The following SGK3 variants were observed in gnomAD, a reference collection of about 807,000 sequenced individuals.
SGK3 encodes serine/threonine-protein kinase Sgk3.
In SGK3, 47 loss-of-function variants were observed where a neutral mutation model predicts 68.5. That is an observed-to-expected ratio of 0.69 (90% CI 0.54 to 0.87). The LOEUF is 0.87. Ranked by LOEUF, SGK3 falls within the 40% of genes least tolerant of loss-of-function variation. The probability of loss-of-function intolerance (pLI) is 0.00; values close to 1 mark genes in which losing one functional copy is unlikely to be tolerated. For synonymous variants in SGK3, 181 were observed against 189.1 expected, an observed-to-expected ratio of 0.96 and a Z score of 0.35; for missense variants, 479 against 575.5, an observed-to-expected ratio of 0.83 and a Z score of 1.72.
At chr8:66,750,534 A>G (rs1805782714) in intron 1 of SGK3, among the ~76,000 whole-genome samples, 1 of 151,914 alleles carries the variant, frequency 6.6e-6, no homozygotes, top group African/African-American at 2.4e-5. Context: ...GTCTTAAGAA[A>G]TGTGATAGCC....
intron 1 of SGK3, among the ~76,000 whole-genome samples, chr8:66,780,206 A>T (rs1247570113): frequency 6.6e-6 from 1 of 152,224 alleles, no homozygotes. Flanking sequence ...TTGATGATTC[A>T]GGAGACTGAT....
chr8:66,800,780 C>CTAAA (rs1807911201), intron 3 of SGK3, among the ~76,000 whole-genome samples: 1 of 151,808 alleles, frequency 6.6e-6, no homozygotes, highest in Non-Finnish European at 1.5e-5. Flanking sequence ...TTATTTTTGC[C>CTAAA]TATGTAAAAT....
intron 1 of SGK3, 25 bp from the exon 2 acceptor site, chr8:66,793,591 C>CTTTTTTTTTTT: frequency 3.5e-6 from 2 of 564,918 alleles, no homozygotes; most frequent in Non-Finnish European, 5.7e-6. Flanking sequence ...TTGCTAATCA[C>CTTTTTTTTTTT]TTTTTTTTTT....
intron 16 of SGK3, among the ~76,000 whole-genome samples, chr8:66,852,522 A>AC (rs890088733): frequency 1.3e-5 from 2 of 151,598 alleles, no homozygotes; most frequent in Non-Finnish European, 2.9e-5. Flanking sequence ...CTCATGATCC[A>AC]CCCGCCTCAG....
chr8:66,821,678 A>ATTTTTTTTTTTTTTT (rs59399048), intron 5 of SGK3, among the ~76,000 whole-genome samples: 4 of 108,584 alleles, frequency 3.7e-5, no homozygotes, highest in African/African-American at 3.7e-5. Flanking sequence ...ACGCCCGGCT[A>ATTTTTTTTTTTTTTT]TTTTTTTTTT....
chr8:66,741,287 C>T (rs762817716), intron 1 of SGK3, among the ~76,000 whole-genome samples: 13 of 152,058 alleles, frequency 8.5e-5, no homozygotes, highest in African/African-American at 1.9e-4. Flanking sequence ...CGGTGGCTCA[C>T]GCCTGTAATT....
chr8:66,713,617 T>C (rs1804553400), intron 1 of SGK3, among the ~76,000 whole-genome samples: 1 of 152,232 alleles, frequency 6.6e-6, no homozygotes, highest in African/African-American at 2.4e-5. Context: ...ATTCTCTCCC[T>C]TCTCACCAGA....
At chr8:66,721,571 A>G (rs1442111301) in intron 1 of SGK3, among the ~76,000 whole-genome samples, 1 of 152,182 alleles carries the variant, frequency 6.6e-6, no homozygotes, top group Non-Finnish European at 1.5e-5. Flanking sequence ...CCTTGAGAAT[A>G]CCTAGTAATT....
At chr8:66,803,747 TC>T (rs1585740202) in intron 3 of SGK3, among the ~76,000 whole-genome samples, 2 of 149,920 alleles carry the variant, frequency 1.3e-5, no homozygotes, top group East Asian at 3.9e-4. Context: ...GCCCCAACCT[TC>T]CAGGCTCAAG....
At chr8:66,814,716 C>T (rs1808509980) in intron 5 of SGK3, among the ~76,000 whole-genome samples, 2 of 152,204 alleles carry the variant, frequency 1.3e-5, no homozygotes, top group African/African-American at 4.8e-5. Flanking sequence ...GCTTTCCCAG[C>T]CCTGTGGGTG....
At position 66,850,915 on chromosome 8, in the gene SGK3, A is replaced by G; in HGVS notation, c.1315A>G (p.Asn439Asp). The change falls in exon 16 of 17, where the codon AAT becomes GAT. Residue 439 changes from asparagine (N) to aspartate (D), a missense_variant. Asn to Asp is a conservative substitution (Grantham distance 23). Coordinates refer to ENST00000521198, the MANE Select transcript of SGK3 (RefSeq NM_001033578.3). The part of the protein sequence containing the change: ...QKKIPPPFNP[N>D]VAGPDDIRNF... ...GAAGATTCCACCACCATTTAATCCTAATGTGGTAAGTATATATCCAAATCT... is the reference window on the plus strand; with the variant it reads ...GAAGATTCCACCACCATTTAATCCTGATGTGGTAAGTATATATCCAAATCT... 1 of 1,609,482 alleles carries G rather than the reference A, an allele frequency of 6.2e-7. No individual in the cohort carries two copies. Among genetic ancestry groups the G allele is most frequent in the South Asian group, 1.1e-5 (1 of 90,228 alleles).
chr8:66,758,953 G>T (rs546022525), intron 1 of SGK3, among the ~76,000 whole-genome samples: 1 of 152,304 alleles, frequency 6.6e-6, no homozygotes, highest in East Asian at 1.9e-4. Context: ...AGTTCTGGAG[G>T]CTGGAAATCA....
intron 4 of SGK3, among the ~76,000 whole-genome samples, chr8:66,805,990 T>C (rs976557752): frequency 6.6e-6 from 1 of 152,214 alleles, no homozygotes; most frequent in Non-Finnish European, 1.5e-5. Flanking sequence ...CTGCCCACCA[T>C]TAACGGACTG....
intron 5 of SGK3, among the ~76,000 whole-genome samples, chr8:66,816,482 A>G (rs1808589408): frequency 1.3e-5 from 2 of 150,750 alleles, no homozygotes; most frequent in African/African-American, 4.9e-5. Context: ...AGTGGATGGG[A>G]TTACAGGTGC....
intron 1 of SGK3, among the ~76,000 whole-genome samples, chr8:66,787,046 C>T (rs747602730): frequency 7.2e-6 from 1 of 139,192 alleles, no homozygotes; most frequent in Non-Finnish European, 1.5e-5. Flanking sequence ...CCAGTTCAAG[C>T]AATTCTCCTC....
intron 1 of SGK3, among the ~76,000 whole-genome samples, chr8:66,772,386 C>T (rs1319428367): frequency 6.8e-6 from 1 of 147,182 alleles, no homozygotes; most frequent in African/African-American, 2.6e-5. Flanking sequence ...CTGTGCCCAG[C>T]AAGATAAATA....
chr8:66,735,043 C>G (rs766568823), intron 1 of SGK3, among the ~76,000 whole-genome samples: 4 of 150,594 alleles, frequency 2.7e-5, no homozygotes, highest in Non-Finnish European at 4.4e-5. Flanking sequence ...TATAATTTTT[C>G]TCTTTATTAT....
In SGK3 at chr8:66,746,677, C is replaced by T. The variant is rs190452818; in HGVS notation, c.-122+33844C>T. On this transcript the variant is annotated intron_variant, in intron 1 of 16. Transcript: ENST00000521198. ...CAAGAGATCTTCCCACCTCAGCTTC[C>T]TGAGTGACTGGGACTATAGGCACAC... 1.9e-3 allele frequency among the ~76,000 whole-genome samples: 283 copies of T among 152,138 alleles called. 1 individual carries two copies. The highest frequency in any genetic ancestry group is 6.6e-3 in the African/African-American group (273 of 41,522).
intron 1 of SGK3, among the ~76,000 whole-genome samples, chr8:66,756,947 T>G (rs1475984327): frequency 6.6e-6 from 1 of 152,092 alleles, no homozygotes; most frequent in Non-Finnish European, 1.5e-5. Context: ...TATGTATTTA[T>G]TGATGACCCA....
Sources: allele counts gnomAD v4.1 joint callset (sites outside exome capture counted in the v4.1 genomes callset), GRCh38; gene constraint gnomAD v4.1.1; transcripts MANE v1.5; gene names NCBI Gene and HGNC (gene_info 2026-07-23, HGNC 2026-07-21).